Variants in SF3A3 observed in about 807,000 individuals in gnomAD.
The protein encoded by SF3A3 is splicing factor 3a subunit 3.
In SF3A3, 9 loss-of-function variants were observed where a neutral mutation model predicts 85.8. The observed-to-expected ratio is 0.10, with a 90% CI of 0.06 to 0.18. The LOEUF (loss-of-function observed/expected upper bound fraction) is 0.18. Among genes scored for constraint, SF3A3 ranks in the 10% least tolerant of loss-of-function variants. The probability of loss-of-function intolerance (pLI) is 1.00; values close to 1 mark genes in which losing one functional copy is unlikely to be tolerated. For synonymous variants in SF3A3, 195 were observed against 204.4 expected, an observed-to-expected ratio of 0.95 and a Z score of 0.39; for missense variants, 306 against 593.3, an observed-to-expected ratio of 0.52 and a Z score of 5.03.
chr1:37,963,537 A>T (rs1172437451), intron 15 of SF3A3, among the ~76,000 whole-genome samples: 1 of 151,990 alleles, frequency 6.6e-6, no homozygotes, highest in Non-Finnish European at 1.5e-5. Flanking sequence ...ACAATTGAAG[A>T]ATCATGAAAC....
chr1:37,960,274 A>G, intron 15 of SF3A3, 99 bp from the exon 16 acceptor site: 1 of 1,120,424 alleles, frequency 8.9e-7, no homozygotes, highest in Non-Finnish European at 1.3e-6. Flanking sequence ...TGCTCCCTAG[A>G]AGACTCTGCC....
intron 12 of SF3A3, among the ~76,000 whole-genome samples, chr1:37,973,332 G>C (rs1646356365): frequency 6.6e-6 from 1 of 152,116 alleles, no homozygotes; most frequent in Non-Finnish European, 1.5e-5. Flanking sequence ...GCAAAAAAAA[G>C]CCAAAACTGA....
intron 16 of SF3A3, 74 bp downstream of exon 16, chr1:37,960,046 A>G (rs1557745437): frequency 8.5e-7 from 1 of 1,174,832 alleles, no homozygotes; most frequent in South Asian, 1.2e-5. Context: ...ACCATCTTTC[A>G]CCTCCTTTCT....
intron 12 of SF3A3, among the ~76,000 whole-genome samples, chr1:37,972,205 A>G (rs369243900): frequency 1.3e-5 from 2 of 152,218 alleles, no homozygotes; most frequent in African/African-American, 2.4e-5. Context: ...ATTCTTATAC[A>G]CCAATAACAG....
intron 14 of SF3A3, 134 bp from the exon 15 acceptor site, chr1:37,968,268 T>C (rs762549121): frequency 1.5e-6 from 1 of 661,426 alleles, no homozygotes; most frequent in Non-Finnish European, 2.8e-6. Flanking sequence ...CCTTTTGTGA[T>C]TCATGTTTGT....
chr1:37,965,316 A>AAG (rs1309842138), intron 15 of SF3A3, among the ~76,000 whole-genome samples: 2 of 139,306 alleles, frequency 1.4e-5, no homozygotes, highest in African/African-American at 2.7e-5. Flanking sequence ...AAAAAAAAAA[A>AAG]AAAGAAAATA....
At chr1:37,971,129 A>T (rs1646342250) in intron 12 of SF3A3, among the ~76,000 whole-genome samples, 1 of 152,206 alleles carries the variant, frequency 6.6e-6, no homozygotes, top group African/African-American at 2.4e-5. Context: ...CTAATAAAGA[A>T]GAGAGAAGAA....
At chr1:37,980,520 A>G in intron 8 of SF3A3, 66 bp downstream of exon 8, 1 of 1,560,402 alleles carries the variant, frequency 6.4e-7, no homozygotes, top group South Asian at 1.2e-5. Context: ...TGGAAGCTCA[A>G]GATAAAGGAA....
intron 2 of SF3A3, 56 bp downstream of exon 2, chr1:37,989,492 C>T: frequency 1.3e-6 from 2 of 1,584,234 alleles, no homozygotes; most frequent in South Asian, 1.1e-5. Flanking sequence ...ACTTCACTTC[C>T]CCTCTCTTTT....
intron 4 of SF3A3, among the ~76,000 whole-genome samples, chr1:37,985,617 T>A (rs1313079730): frequency 2.0e-5 from 3 of 152,244 alleles, no homozygotes; most frequent in Non-Finnish European, 2.9e-5. Context: ...AAGACTTGCG[T>A]CTGACATTTA....
At chr1:37,961,783 A>AAAAAAAAAAAAAAAT (rs1646261010) in intron 15 of SF3A3, among the ~76,000 whole-genome samples, 1 of 134,196 alleles carries the variant, frequency 7.5e-6, no homozygotes, top group East Asian at 2.3e-4. Flanking sequence ...AAAAAAAAAA[A>AAAAAAAAAAAAAAAT]GAAAGAAAGA....
At chr1:37,983,126 C>T (rs11210842) in intron 6 of SF3A3, among the ~76,000 whole-genome samples, 8 of 151,062 alleles carry the variant, frequency 5.3e-5, no homozygotes, top group African/African-American at 9.7e-5. Flanking sequence ...TTAGTAGAGA[C>T]GGGGTTTCTC....
At chr1:37,986,362 G>C (rs529507814) in intron 4 of SF3A3, among the ~76,000 whole-genome samples, 1 of 152,284 alleles carries the variant, frequency 6.6e-6, no homozygotes, top group South Asian at 2.1e-4. Flanking sequence ...AATCCTGGCA[G>C]ATATAAATCA....
In SF3A3 at chr1:37,987,825, C is replaced by T. The variant is rs375274659; in HGVS notation, c.156G>A (p.Glu52=). Residue 52 remains glutamate (E), a synonymous_variant, in exon 3 of 17, where the codon GAG becomes GAA. Transcript: ENST00000373019. ...RTRAMQDRYM[E]VSGNLRDLYD... ...ACAAATCCCTCAGGTTCCCACTGACCTCCATATACCTCTGAAAGGCAAATA... is the reference window on the plus strand; with the variant it reads ...ACAAATCCCTCAGGTTCCCACTGACTTCCATATACCTCTGAAAGGCAAATA... 3 of 1,612,782 alleles carry T rather than the reference C, an allele frequency of 1.9e-6. No individual in the cohort carries two copies. The highest frequency in any genetic ancestry group is 2.7e-5 in the African/African-American group (2 of 74,896).
intron 14 of SF3A3, among the ~76,000 whole-genome samples, chr1:37,968,509 T>C (rs1477366900): frequency 2.0e-5 from 3 of 152,200 alleles, no homozygotes; most frequent in Non-Finnish European, 4.4e-5. Context: ...GGGTTACTAA[T>C]GGCAGGTCAG....
chr1:37,987,769 G>GT lies in SF3A3; in HGVS notation c.197+14dup. ...AGAAGCACTAACTCCTGGATTAGCT[G>GT]TGACTGTCACTTACCCATCCTTATC... On this transcript the variant is annotated intron_variant, in intron 3 of 16. Transcript: ENST00000373019. 1 of 1,611,134 alleles carries GT rather than the reference G, an allele frequency of 6.2e-7. No individual in the cohort carries two copies. The highest frequency in any genetic ancestry group is 8.5e-7 in the Non-Finnish European group (1 of 1,177,298).
intron 4 of SF3A3, among the ~76,000 whole-genome samples, chr1:37,986,598 T>C (rs1646458862): frequency 6.6e-6 from 1 of 151,726 alleles, no homozygotes; most frequent in Non-Finnish European, 1.5e-5. Flanking sequence ...GATCACAAGG[T>C]CAGGAGATAG....
intron 6 of SF3A3, 58 bp from the exon 7 acceptor site, chr1:37,981,869 T>G (rs1258067988): frequency 1.0e-6 from 1 of 956,916 alleles, no homozygotes; most frequent in Admixed American, 2.3e-5. Context: ...TGTAACAAGT[T>G]ACAATATAAT....
intron 5 of SF3A3, among the ~76,000 whole-genome samples, 193 bp downstream of exon 5, chr1:37,984,514 T>G (rs1646441916): frequency 6.6e-6 from 1 of 152,176 alleles, no homozygotes; most frequent in South Asian, 2.1e-4. Context: ...GCCAGTAAAT[T>G]TGAGGTAGGA....
Sources: gnomAD v4.1 joint callset for allele counts (sites outside exome capture counted in the v4.1 genomes callset) on GRCh38, gnomAD v4.1.1 for gene constraint, MANE v1.5 for transcripts, NCBI Gene and HGNC (gene_info 2026-07-23, HGNC 2026-07-21) for gene names.